Variants in YAF2 observed in about 807,000 individuals in gnomAD.
YAF2 encodes YY1 associated factor 2, also known as YY1-associated factor 2.
Under a neutral mutation model 20.1 loss-of-function variants are expected in YAF2, and 7 were observed. The ratio of observed to expected loss-of-function variants is 0.35; its 90% CI spans 0.20 to 0.65. The LOEUF (loss-of-function observed/expected upper bound fraction) is 0.65. Ranked by LOEUF, YAF2 falls within the 30% of genes least tolerant of loss-of-function variation. The pLI is 0.69. For missense variants in YAF2, 151 were observed against 219.2 expected, an observed-to-expected ratio of 0.69 and a Z score of 1.96; for synonymous variants, 74 against 76.0, an observed-to-expected ratio of 0.97 and a Z score of 0.14.
chr12:42,214,009 A>G (rs1217837583), intron 2 of YAF2, among the ~76,000 whole-genome samples: 1 of 152,214 alleles, frequency 6.6e-6, no homozygotes, highest in Non-Finnish European at 1.5e-5. Context: ...ACATTCCTGC[A>G]GCCTGCCAGT....
chr12:42,235,964 G>A, intron 2 of YAF2: 1 of 1,536,090 alleles, frequency 6.5e-7, no homozygotes. Flanking sequence ...TGGCTGTGGA[G>A]TAGGACACCA....
intron 2 of YAF2, among the ~76,000 whole-genome samples, chr12:42,211,962 T>C (rs1323749615): frequency 6.6e-6 from 1 of 151,504 alleles, no homozygotes; most frequent in Admixed American, 6.6e-5. Flanking sequence ...GGCAGGAGAA[T>C]AGCTTGAACC....
At position 42,159,747 on chromosome 12, in the gene YAF2, T is replaced by C. The variant is rs2065764018; in HGVS notation, c.*842A>G. The C allele has an allele frequency of 6.6e-6, 1 of 152,500 alleles. No homozygotes were observed. The highest frequency in any genetic ancestry group is 2.4e-5 in the African/African-American group (1 of 41,440). The allele number at this position is 152,500 out of a possible 1,614,324, so 9.4% of individuals were successfully genotyped here. On this transcript the variant is annotated 3_prime_UTR_variant, in exon 4 of 4. Coordinates refer to ENST00000534854, the MANE Select transcript of YAF2 (RefSeq NM_005748.6). ...TCATTAAGTTAAAGCTTTTCTAAAA[T>C]TGCAGCTTGTAAAATATGGCAAGTT... is the stretch of plus-strand genomic sequence containing the variant.
intron 2 of YAF2, among the ~76,000 whole-genome samples, chr12:42,163,813 T>A (rs2065851471): frequency 6.6e-6 from 1 of 152,178 alleles, no homozygotes; most frequent in African/African-American, 2.4e-5. Flanking sequence ...ACACAGTTTA[T>A]GATGATCTTT....
At chr12:42,224,367 G>T (rs183813840) in intron 2 of YAF2, among the ~76,000 whole-genome samples, 1 of 151,634 alleles carries the variant, frequency 6.6e-6, no homozygotes, top group Non-Finnish European at 1.5e-5. Context: ...TTTAGGTGAA[G>T]AATACAATAT....
At position 42,237,702 on chromosome 12, in the gene YAF2, A is replaced by T. The variant is rs2068219255; in HGVS notation, c.49T>A (p.Ser17Thr). The T allele has an allele frequency of 5.1e-6, 8 of 1,567,506 alleles. No individual in the cohort carries two copies. Among genetic ancestry groups the T allele is most frequent in the Non-Finnish European group, 6.9e-6 (8 of 1,159,878 alleles). The change falls in exon 2 of 4, where the codon TCC (serine) becomes ACC (threonine). Residue 17 changes from serine (S) to threonine (T), a missense_variant. Transcript: ENST00000534854. ...PTRPKRQPKP[S>T]SDEGYWDCSV... ...CAGTCCCAGTAACCCTCATCCGAGG[A>T]CGGCTTCGGCTGCCGCTTCGGCCTG...
chr12:42,213,180 T>C (rs1009850927), intron 2 of YAF2, among the ~76,000 whole-genome samples: 3 of 152,208 alleles, frequency 2.0e-5, no homozygotes, highest in South Asian at 2.1e-4. Flanking sequence ...TCTGAGCCTA[T>C]AGAAAAGAGA....
chr12:42,161,855 T>A, intron 2 of YAF2, 90 bp from the exon 3 acceptor site: 1 of 1,177,802 alleles, frequency 8.5e-7, no homozygotes, highest in Non-Finnish European at 1.2e-6. Flanking sequence ...TGAAAACAAG[T>A]TAATAACAAT....
rs111851937 is a variant in YAF2 at position 42,160,937 on chromosome 12, G to A, written c.306-111C>T. On this transcript the variant is annotated intron_variant, in intron 3 of 3. Coordinates refer to ENST00000534854, the MANE Select transcript of YAF2 (RefSeq NM_005748.6). Reference sequence around the variant, plus strand: ...TAACAAAATGAATACATGTATTTAAGGCAATTTATGTGTAACTAGCCACAA... The same window carrying A: ...TAACAAAATGAATACATGTATTTAAAGCAATTTATGTGTAACTAGCCACAA... 2,439 of 805,230 alleles carry A rather than the reference G, an allele frequency of 3.0e-3. 42 individuals carry two copies. The African/African-American group carries it at 0.038, about 13-fold the overall frequency. 49.9% of individuals were successfully genotyped at this position (805,230 alleles called of 1,614,324 possible). A position where few individuals can be genotyped will look rare whatever the true frequency, so the allele number is the denominator to read the frequency against.
At chr12:42,198,306 G>A (rs530423308) in intron 2 of YAF2, among the ~76,000 whole-genome samples, 75 of 152,314 alleles carry the variant, frequency 4.9e-4, no homozygotes, top group African/African-American at 1.8e-3. Context: ...AATGAAGCCA[G>A]GCACAGTGGC....
chr12:42,225,687 T>C (rs941863733), intron 2 of YAF2, among the ~76,000 whole-genome samples: 2 of 152,244 alleles, frequency 1.3e-5, no homozygotes, highest in African/African-American at 4.8e-5. Context: ...TAGATGGTTG[T>C]AGATACGTGG....
chr12:42,225,112 T>G (rs2067650574), intron 2 of YAF2, among the ~76,000 whole-genome samples: 2 of 152,234 alleles, frequency 1.3e-5, no homozygotes, highest in Non-Finnish European at 2.9e-5. Context: ...TGATGTGCAT[T>G]TCTCTAATGA....
chr12:42,228,822 G>A (rs373439540), intron 2 of YAF2, among the ~76,000 whole-genome samples: 70 of 54,002 alleles, frequency 1.3e-3, no homozygotes, highest in African/African-American at 2.6e-3. Context: ...CAGCCGCCCC[G>A]TCCGGGAGGT....
intron 2 of YAF2, among the ~76,000 whole-genome samples, chr12:42,162,381 A>G (rs993421122): frequency 6.6e-6 from 1 of 152,168 alleles, no homozygotes; most frequent in Non-Finnish European, 1.5e-5. Context: ...TTTATTGAGG[A>G]CCTACTGTAA....
intron 2 of YAF2, among the ~76,000 whole-genome samples, chr12:42,204,304 A>G (rs1043025117): frequency 1.3e-5 from 2 of 152,226 alleles, no homozygotes; most frequent in African/African-American, 2.4e-5. Flanking sequence ...ACTCCTAGGT[A>G]TATATAGTCA....
intron 2 of YAF2, chr12:42,172,116 T>C (rs2137001795): frequency 6.6e-6 from 1 of 152,382 alleles, no homozygotes; most frequent in South Asian, 2.1e-4. Flanking sequence ...GGGAAAATCC[T>C]TATTCACACA....
intron 2 of YAF2, among the ~76,000 whole-genome samples, chr12:42,172,685 C>T (rs1473796188): frequency 6.6e-6 from 1 of 152,202 alleles, no homozygotes; most frequent in Non-Finnish European, 1.5e-5. Flanking sequence ...AAAATGTGTA[C>T]ATGAATGTTC....
chr12:42,230,434 C>G (rs182649544), intron 2 of YAF2, among the ~76,000 whole-genome samples: 1 of 152,198 alleles, frequency 6.6e-6, no homozygotes, highest in African/African-American at 2.4e-5. Flanking sequence ...GAACACTATC[C>G]TAAGGATCTC....
chr12:42,234,308 A>T (rs1303605465), intron 2 of YAF2: 1 of 985,326 alleles, frequency 1.0e-6, no homozygotes, highest in African/African-American at 1.7e-5. Flanking sequence ...GTTTCCTTTT[A>T]AAAAATTTCC....
Sources: gnomAD v4.1 joint callset for allele counts (sites outside exome capture counted in the v4.1 genomes callset) on GRCh38, gnomAD v4.1.1 for gene constraint, MANE v1.5 for transcripts, NCBI Gene and HGNC (gene_info 2026-07-23, HGNC 2026-07-21) for gene names.